The following TRAF3 variants were observed in gnomAD, a reference collection of about 807,000 sequenced individuals.
The protein encoded by TRAF3 is TNF receptor associated factor 3.
In TRAF3, 13 loss-of-function variants were observed where a neutral mutation model predicts 62.3. The ratio of observed to expected loss-of-function variants is 0.21; its 90% CI spans 0.14 to 0.33. TRAF3 has a LOEUF of 0.33. Ranked by LOEUF, TRAF3 falls within the 10% of genes least tolerant of loss-of-function variation. The pLI is 1.00. For synonymous variants in TRAF3, 269 were observed against 283.4 expected, an observed-to-expected ratio of 0.95 and a Z score of 0.51; for missense variants, 440 against 741.8, an observed-to-expected ratio of 0.59 and a Z score of 4.73.
chr14:102,887,183 A>C (rs976635790), intron 7 of TRAF3, among the ~76,000 whole-genome samples: 1 of 152,224 alleles, frequency 6.6e-6, no homozygotes, highest in African/African-American at 2.4e-5. Flanking sequence ...TCCTTTAGTT[A>C]GTATTCTGGG....
intron 1 of TRAF3, among the ~76,000 whole-genome samples, chr14:102,825,892 C>T (rs1390301833): frequency 6.6e-6 from 1 of 152,242 alleles, no homozygotes; most frequent in African/African-American, 2.4e-5. Flanking sequence ...AAGGAAACCA[C>T]CTCACGCTAC....
rs762666709 is a variant in TRAF3, at chr14:102,897,408, ATCTTAGGACT to A, written c.960+8_960+17del. 1 of 1,613,422 alleles carries A rather than the reference ATCTTAGGACT, an allele frequency of 6.2e-7. No individual in the cohort carries two copies. The highest frequency in any genetic ancestry group is 1.1e-5 in the South Asian group (1 of 90,980). ...CAAAATCCTTCATTTACAGGTAAGA[ATCTTAGGACT>A]ACGGCCAGATCAAAGGGTGGAGGAG... is the stretch of plus-strand genomic sequence containing the variant. On this transcript the variant is annotated splice_region_variant and intron_variant, in intron 10 of 11. Coordinates refer to ENST00000392745, the MANE Select transcript of TRAF3 (RefSeq NM_145725.3).
intron 1 of TRAF3, among the ~76,000 whole-genome samples, chr14:102,778,272 C>G (rs1181389532): frequency 6.6e-6 from 1 of 151,762 alleles, no homozygotes; most frequent in African/African-American, 2.4e-5. Flanking sequence ...CCGGGCGGCT[C>G]CTGGCCGCGG....
chr14:102,862,225 T>G (rs1368550447), intron 2 of TRAF3, among the ~76,000 whole-genome samples: 1 of 152,108 alleles, frequency 6.6e-6, no homozygotes, highest in Non-Finnish European at 1.5e-5. Context: ...ATAGTTTTAC[T>G]GGATATAGAA....
At chr14:102,799,923 G>C (rs1399317566) in intron 1 of TRAF3, among the ~76,000 whole-genome samples, 1 of 152,118 alleles carries the variant, frequency 6.6e-6, no homozygotes, top group African/African-American at 2.4e-5. Context: ...CCCAGAACCT[G>C]GGATGGCTGG....
At chr14:102,889,525 T>G (rs1300621308) in intron 7 of TRAF3, 35 bp from the exon 8 acceptor site, 1 of 1,609,588 alleles carries the variant, frequency 6.2e-7, no homozygotes, top group Non-Finnish European at 8.5e-7. Context: ...CATGCAAACG[T>G]TTGTGCCACA....
At chr14:102,822,777 G>A (rs752905157) in intron 1 of TRAF3, among the ~76,000 whole-genome samples, 8 of 152,164 alleles carry the variant, frequency 5.3e-5, no homozygotes, top group Non-Finnish European at 1.0e-4. Flanking sequence ...AGGTGAAGGC[G>A]GGTGGATCAC....
chr14:102,778,299 G>T (rs1237662917), intron 1 of TRAF3, among the ~76,000 whole-genome samples: 1 of 151,890 alleles, frequency 6.6e-6, no homozygotes, highest in South Asian at 2.1e-4. Flanking sequence ...CGTCTTCCCC[G>T]CGGGCGCCAG....
Position 102,821,665 on chromosome 14 carries a change from G to GTA in TRAF3, c.-156-8667_-156-8666dup, listed in dbSNP as rs748214257. On this transcript the variant is annotated intron_variant, in intron 1 of 11. Coordinates refer to ENST00000392745, the MANE Select transcript of TRAF3 (RefSeq NM_145725.3). ...AAATGTTTGATTTCTTAGTGTGTGT[G>GTA]TATCAGTGGATTATGTAGTTTAAAA... Among the ~76,000 whole-genome samples the GTA allele has an allele frequency of 1.3e-3, 191 of 152,222 alleles. 2 individuals are homozygous for GTA. Among genetic ancestry groups the GTA allele is most frequent in the Non-Finnish European group, 3.8e-4 (26 of 68,038 alleles).
chr14:102,903,952 G>C lies in TRAF3; in HGVS notation c.1135+523G>C, dbSNP rs1382827868. On this transcript the variant is annotated intron_variant, in intron 11 of 11. Transcript: ENST00000392745. The surrounding 1 kb of genome is among the most constrained non-coding windows in gnomAD (Gnocchi z 6.4). ...AGAAAGGAACACAGATTACCGGTGT[G>C]TGTGTGGGGCCGGATGAAGCAGGCA... The C allele has an allele frequency of 2.6e-6, 1 of 379,516 alleles. No homozygotes were observed. The highest frequency in any genetic ancestry group is 5.3e-6 in the Non-Finnish European group (1 of 187,902). 23.5% of individuals were successfully genotyped at this position (379,516 alleles called of 1,614,324 possible).
rs182757817 is a variant in TRAF3 at position 102,897,395 on chromosome 14, T to C, written c.954T>C (p.His318=). ...GAAATAATGAATCCAAAATCCTTCA[T>C]TTACAGGTAAGAATCTTAGGACTAC... ...MLRNNESKIL[H]LQRVIDSQAE... The change falls in exon 10 of 12, where the codon CAT becomes CAC. Residue 318 remains histidine (H), a synonymous_variant. Coordinates refer to ENST00000392745, the MANE Select transcript of TRAF3 (RefSeq NM_145725.3). 110 of 1,613,786 alleles carry C rather than the reference T, an allele frequency of 6.8e-5. 1 individual carries two copies. The East Asian group carries it at 2.3e-3, about 34-fold the overall frequency.
intron 1 of TRAF3, among the ~76,000 whole-genome samples, chr14:102,802,827 C>CA (rs922475937): frequency 5.3e-5 from 8 of 151,218 alleles, no homozygotes; most frequent in South Asian, 2.1e-4. Flanking sequence ...GACTCTGTCT[C>CA]AAAAAAAAGA....
rs1890812283 is a variant in TRAF3 at position 102,910,514 on chromosome 14, T to C, written c.*4730T>C. Reference sequence around the variant, plus strand: ...AGGCTACCTGGTCATTATTGCTGCCTCGTCCAGGCTGATGCTGATGGTCAC... The same window carrying C: ...AGGCTACCTGGTCATTATTGCTGCCCCGTCCAGGCTGATGCTGATGGTCAC... On this transcript the variant is annotated 3_prime_UTR_variant, in exon 12 of 12. Transcript: ENST00000392745. The C allele has an allele frequency of 6.6e-6, 1 of 152,292 alleles. No individual in the cohort carries two copies. Among genetic ancestry groups the C allele is most frequent in the Non-Finnish European group, 1.5e-5 (1 of 68,074 alleles). The allele number at this position is 152,292 out of a possible 1,614,324, so 9.4% of individuals were successfully genotyped here.
chr14:102,861,270 G>A (rs959962681), intron 2 of TRAF3, among the ~76,000 whole-genome samples: 12 of 152,196 alleles, frequency 7.9e-5, no homozygotes, highest in African/African-American at 2.7e-4. Context: ...AAGAGTGCAA[G>A]GCAGATTAAT....
In TRAF3 at chr14:102,903,916, G is replaced by A; in HGVS notation, c.1135+487G>A. 2.5e-6 allele frequency: 1 copy of A among 402,580 alleles called. No homozygotes were observed. The highest frequency in any genetic ancestry group is 1.8e-5 in the South Asian group (1 of 56,220). 24.9% of individuals were successfully genotyped at this position (402,580 alleles called of 1,614,324 possible). On this transcript the variant is annotated intron_variant, in intron 11 of 11. Transcript: ENST00000392745. The surrounding 1 kb of genome is among the most constrained non-coding windows in gnomAD (Gnocchi z 6.4). ...AGTATTGGGAATATTTACATGAGGA[G>A]GATTAATGGCAGAAAGGAACACAGA...
chr14:102,818,842 A>G (rs1899710890), intron 1 of TRAF3, among the ~76,000 whole-genome samples: 1 of 152,156 alleles, frequency 6.6e-6, no homozygotes, highest in Non-Finnish European at 1.5e-5. Flanking sequence ...CAAGAAAAGG[A>G]ACTTGGTGAG....
chr14:102,863,521 T>C (rs1003869770), intron 2 of TRAF3, among the ~76,000 whole-genome samples: 5 of 152,230 alleles, frequency 3.3e-5, no homozygotes, highest in African/African-American at 1.2e-4. Context: ...GAGCATTCGC[T>C]GCCTGCTTGC....
chr14:102,886,332 C>T, intron 7 of TRAF3, 63 bp downstream of exon 7: 1 of 1,423,530 alleles, frequency 7.0e-7, no homozygotes, highest in Non-Finnish European at 9.7e-7. Flanking sequence ...CCTGGCTCCC[C>T]TTCCCTGCAT....
intron 2 of TRAF3, among the ~76,000 whole-genome samples, chr14:102,868,189 T>C (rs958505739): frequency 1.3e-5 from 2 of 152,156 alleles, no homozygotes; most frequent in East Asian, 3.8e-4. Context: ...AGCTGGTGAG[T>C]TGTGAAAGAA....
Sources: gnomAD v4.1 joint callset for allele counts (sites outside exome capture counted in the v4.1 genomes callset) on GRCh38, gnomAD v4.1.1 for gene constraint, Gnocchi (gnomAD v3.1) non-coding constraint, MANE v1.5 for transcripts, NCBI Gene and HGNC (gene_info 2026-07-23, HGNC 2026-07-21) for gene names.